The following DCC variants were observed in gnomAD, a reference collection of about 807,000 sequenced individuals.
DCC encodes netrin receptor DCC.
DCC carries 58 observed loss-of-function variants against 172.5 expected under a neutral mutation model. The ratio of observed to expected loss-of-function variants is 0.34; its 90% CI spans 0.27 to 0.42. The LOEUF (loss-of-function observed/expected upper bound fraction) is 0.42, where lower values mean the gene tolerates loss of function less well. DCC is among the 10% of genes least tolerant of loss of function. The pLI is 1.00. For synonymous variants in DCC, 709 were observed against 644.5 expected, an observed-to-expected ratio of 1.10 and a Z score of -1.52; for missense variants, 1,740 against 1,791.0, an observed-to-expected ratio of 0.97 and a Z score of 0.51.
At chr18:52,430,195 G>A (rs1188600242) in intron 1 of DCC, among the ~76,000 whole-genome samples, 2 of 152,008 alleles carry the variant, frequency 1.3e-5, no homozygotes, top group African/African-American at 4.8e-5. Flanking sequence ...AGACGTGAAA[G>A]TAATAAGAAT....
intron 7 of DCC, among the ~76,000 whole-genome samples, chr18:53,154,706 G>T (rs2054700432): frequency 6.6e-6 from 1 of 152,230 alleles, no homozygotes; most frequent in Non-Finnish European, 1.5e-5. Flanking sequence ...AGCATGCGGT[G>T]AGTGAAGGAG....
rs537158016 is a variant in DCC at position 52,383,645 on chromosome 18, A to G, written c.91+42767A>G. ...ATTTTGGAGTTTTAATTTTTTTATGATTTCATTCATGAATTATTCAGATGT... is the reference window on the plus strand; with the variant it reads ...ATTTTGGAGTTTTAATTTTTTTATGGTTTCATTCATGAATTATTCAGATGT... On this transcript the variant is annotated intron_variant, in intron 1 of 28. Transcript: ENST00000442544. 2.6e-5 allele frequency among the ~76,000 whole-genome samples: 4 copies of G among 151,704 alleles called. 1 individual carries two copies. The South Asian group carries it at 8.3e-4, about 32-fold the overall frequency.
intron 2 of DCC, among the ~76,000 whole-genome samples, chr18:52,768,094 T>TA (rs1166824295): frequency 6.6e-6 from 1 of 152,198 alleles, no homozygotes; most frequent in African/African-American, 2.4e-5. Context: ...TAAAATCTTG[T>TA]AAAACAAGGT....
chr18:52,734,571 CAG>C (rs2036695684), intron 1 of DCC, among the ~76,000 whole-genome samples: 1 of 152,068 alleles, frequency 6.6e-6, no homozygotes, highest in Admixed American at 6.6e-5. Context: ...CTTTAATCTG[CAG>C]AGTCTGAGTT....
intron 2 of DCC, among the ~76,000 whole-genome samples, chr18:52,881,959 G>A (rs2039492524): frequency 6.6e-6 from 1 of 151,874 alleles, no homozygotes; most frequent in Non-Finnish European, 1.5e-5. Context: ...ATTTTTGTAT[G>A]TCTTCTTTAA....
chr18:53,298,128 T>C (rs1560454), intron 12 of DCC, among the ~76,000 whole-genome samples: 5,684 of 152,244 alleles, frequency 0.037, 360 homozygotes, highest in African/African-American at 0.13. Flanking sequence ...CTATTACTTA[T>C]GTAATCATTA....
chr18:52,354,602 T>C (rs1251948921), intron 1 of DCC, among the ~76,000 whole-genome samples: 3 of 152,206 alleles, frequency 2.0e-5, no homozygotes, highest in Admixed American at 2.0e-4. Context: ...AGAAGTCATG[T>C]CTAGCACTTC....
chr18:53,024,408 A>T (rs1185619844), intron 5 of DCC, among the ~76,000 whole-genome samples: 1 of 152,052 alleles, frequency 6.6e-6, no homozygotes. Context: ...TCCTCCTCTG[A>T]GCTTGATTTG....
intron 1 of DCC, among the ~76,000 whole-genome samples, chr18:52,412,250 T>C (rs1986869186): frequency 6.6e-6 from 1 of 152,152 alleles, no homozygotes; most frequent in African/African-American, 2.4e-5. Flanking sequence ...ATGTATTATG[T>C]ACCTGTATAT....
At chr18:53,325,825 CAAGAACAGCTCTATTGAGA>C (rs946199791) in intron 14 of DCC, among the ~76,000 whole-genome samples, 3 of 152,056 alleles carry the variant, frequency 2.0e-5, no homozygotes, top group African/African-American at 7.2e-5. Flanking sequence ...ATGAAAACAG[CAAGAACAGCTCTATTGAGA>C]ACCAGACAGA....
rs182480166 is a variant in DCC, at chr18:52,930,315, G to A, written c.985+4945G>A. On this transcript the variant is annotated intron_variant, in intron 5 of 28. Transcript: ENST00000442544. ...TCATGTTTCTTAGTTTTAATTAAGC[G>A]AGGTGTGGTGGCTTGCACCTGTAGT... Among the ~76,000 whole-genome samples the A allele has an allele frequency of 3.2e-4, 49 of 152,092 alleles. No homozygotes were observed. In the East Asian group the frequency reaches 8.9e-3, roughly 28 times the overall value.
intron 5 of DCC, among the ~76,000 whole-genome samples, chr18:52,981,745 CAT>C (rs1358234754): frequency 6.6e-6 from 1 of 152,040 alleles, no homozygotes; most frequent in Admixed American, 6.6e-5. Flanking sequence ...ACATTTAAAA[CAT>C]GTAAATTTAC....
chr18:52,889,709 T>G (rs1475473059), intron 2 of DCC, among the ~76,000 whole-genome samples: 1 of 152,144 alleles, frequency 6.6e-6, no homozygotes, highest in African/African-American at 2.4e-5. Context: ...CCTTTAGGGT[T>G]GAAATTATTA....
At chr18:52,883,882 C>T (rs904517904) in intron 2 of DCC, among the ~76,000 whole-genome samples, 3 of 151,294 alleles carry the variant, frequency 2.0e-5, no homozygotes, top group Admixed American at 1.3e-4. Flanking sequence ...TCTTGTAGGA[C>T]ATATCTGGTG....
chr18:52,921,171 G>T (rs768109258), intron 3 of DCC, among the ~76,000 whole-genome samples: 4 of 152,042 alleles, frequency 2.6e-5, no homozygotes, highest in Non-Finnish European at 2.9e-5. Context: ...GTCAGCTATG[G>T]ACTTCAGTTA....
intron 1 of DCC, among the ~76,000 whole-genome samples, chr18:52,656,587 A>G (rs552236344): frequency 2.0e-5 from 3 of 152,268 alleles, no homozygotes; most frequent in African/African-American, 7.2e-5. Context: ...GTGAAGAAAA[A>G]GAGAAGTGGG....
intron 5 of DCC, among the ~76,000 whole-genome samples, chr18:53,059,556 A>G (rs1481895196): frequency 2.6e-5 from 4 of 152,128 alleles, no homozygotes; most frequent in Non-Finnish European, 5.9e-5. Context: ...TTATGTAAGT[A>G]TTTTAATTCC....
chr18:53,312,529 CAA>C (rs58163580), intron 13 of DCC, among the ~76,000 whole-genome samples: 4 of 149,956 alleles, frequency 2.7e-5, no homozygotes, highest in Admixed American at 6.6e-5. Context: ...AATATACATA[CAA>C]AAAAAAAAGC....
rs752238140 is a variant in DCC, at chr18:53,450,649, G to C, written c.3379G>C (p.Ala1127Pro). 6.2e-7 allele frequency: 1 copy of C among 1,613,660 alleles called. No homozygotes were observed. ...TGTGATTTGCACCCGACGCTCTTCA[G>C]CCCAGCAGAGAAAGTAGGTAACAGC... ...VAVICTRRSS[A>P]QQRKKRATHS... The change falls in exon 23 of 29, where the codon GCC (alanine) becomes CCC (proline). Residue 1127 changes from alanine to proline, a missense_variant. Around this residue, in one of 2 missense-constraint regions of DCC, gnomAD observed 1,732 missense variants for 1,767.4 expected, o/e 0.98. Coordinates refer to ENST00000442544, the MANE Select transcript of DCC (RefSeq NM_005215.4).
Sources: gnomAD v4.1 joint callset for allele counts (sites outside exome capture counted in the v4.1 genomes callset) on GRCh38, gnomAD v4.1.1 for gene constraint, gnomAD v4.1.1 regional missense constraint, MANE v1.5 for transcripts, NCBI Gene and HGNC (gene_info 2026-07-23, HGNC 2026-07-21) for gene names.